The following DNAL1 variants were observed in gnomAD, a reference collection of about 807,000 sequenced individuals.
DNAL1 encodes the protein dynein axonemal light chain 1, also known as chromosome 14 open reading frame 168.
DNAL1 carries 17 observed loss-of-function variants against 29.4 expected under a neutral mutation model. That is an observed-to-expected ratio of 0.58 (90% CI 0.40 to 0.87). The LOEUF is 0.87. DNAL1 is among the 40% of genes least tolerant of loss of function. DNAL1 has a pLI of 0.00. For missense variants in DNAL1, 188 were observed against 214.1 expected, an observed-to-expected ratio of 0.88 and a Z score of 0.76; for synonymous variants, 78 against 76.3, an observed-to-expected ratio of 1.02 and a Z score of -0.12.
intron 5 of DNAL1, among the ~76,000 whole-genome samples, chr14:73,686,512 T>G (rs922918274): frequency 6.6e-6 from 1 of 152,144 alleles, no homozygotes; most frequent in Non-Finnish European, 1.5e-5. Context: ...AAGACCAGCC[T>G]GGACAACATC....
intron 5 of DNAL1, among the ~76,000 whole-genome samples, chr14:73,682,491 C>G (rs1262292446): frequency 6.6e-6 from 1 of 151,588 alleles, no homozygotes; most frequent in Non-Finnish European, 1.5e-5. Flanking sequence ...GCCCGGCCAA[C>G]TTTTTTAATG....
Position 73,702,282 on chromosome 14 carries a change from G to C in DNAL1, c.*6340G>C, listed in dbSNP as rs1268249693. The C allele has an allele frequency of 6.6e-6, 1 of 152,124 alleles. No homozygotes were observed. Among genetic ancestry groups the C allele is most frequent in the East Asian group, 1.9e-4 (1 of 5,194 alleles). The allele number at this position is 152,124 out of a possible 1,614,324, so 9.4% of individuals were successfully genotyped here. ...CAGCCTCCCGAGTACTGGGACTACA[G>C]GCGCACACCACCATGCTTGGCTAAT... On this transcript the variant is annotated 3_prime_UTR_variant, in exon 8 of 8. Transcript: ENST00000553645.
chr14:73,645,173 G>A, intron 1 of DNAL1, 131 bp downstream of exon 1: 1 of 1,495,762 alleles, frequency 6.7e-7, no homozygotes, highest in Non-Finnish European at 9.1e-7. Context: ...CTAGCTCTGT[G>A]GAGTCAGGGG....
intron 7 of DNAL1, among the ~76,000 whole-genome samples, chr14:73,692,993 G>A (rs891504889): frequency 1.3e-5 from 2 of 152,002 alleles, no homozygotes; most frequent in Non-Finnish European, 2.9e-5. Context: ...CCGCCACCAC[G>A]CCTGGCTAAT....
chr14:73,669,984 T>TAAACACACACAC (rs369615623), intron 4 of DNAL1, among the ~76,000 whole-genome samples: 3 of 150,844 alleles, frequency 2.0e-5, no homozygotes, highest in African/African-American at 7.3e-5. Context: ...CACACACACA[T>TAAACACACACAC]ACACACACAC....
Position 73,677,039 on chromosome 14 carries a change from C to A in DNAL1, c.264+5442C>A, listed in dbSNP as rs918329665. On this transcript the variant is annotated intron_variant, in intron 5 of 7. Transcript: ENST00000553645. ...AGGCTAGAGTGCAGTGGCGTGATCT[C>A]GGCTCACTACAAGCTCCACCTCCTG... is the stretch of plus-strand genomic sequence containing the variant. 2.7e-5 allele frequency among the ~76,000 whole-genome samples: 4 copies of A among 148,382 alleles called. No homozygotes were observed. In the South Asian group the frequency reaches 6.4e-4, roughly 24 times the overall value.
intron 6 of DNAL1, among the ~76,000 whole-genome samples, chr14:73,688,492 A>G (rs1892077916): frequency 6.6e-6 from 1 of 152,016 alleles, no homozygotes; most frequent in South Asian, 2.1e-4. Flanking sequence ...GTGTGGTGGT[A>G]CATGCCTGTA....
intron 3 of DNAL1, among the ~76,000 whole-genome samples, chr14:73,661,315 T>G (rs1891351436): frequency 6.6e-6 from 1 of 152,202 alleles, no homozygotes; most frequent in South Asian, 2.1e-4. Flanking sequence ...TGTTTATAGA[T>G]TTTTTCAATT....
At chr14:73,647,657 ATTAG>A (rs1476448391) in intron 1 of DNAL1, among the ~76,000 whole-genome samples, 1 of 152,166 alleles carries the variant, frequency 6.6e-6, no homozygotes, top group East Asian at 1.9e-4. Context: ...AGTTTTACTT[ATTAG>A]TTAAGTCCAT....
rs748496499 is a variant in DNAL1 at position 73,658,843 on chromosome 14, A to G, written c.43-4A>G. On this transcript the variant is annotated splice_region_variant and splice_polypyrimidine_tract_variant and intron_variant, in intron 2 of 7. Coordinates refer to ENST00000553645, the MANE Select transcript of DNAL1 (RefSeq NM_031427.4). ...TATTTCTTCCAAATGTATTTTTCTC[A>G]TAGGAAGAGAAAACTGGCCAGAGGC... The G allele has an allele frequency of 8.8e-6, 14 of 1,598,172 alleles. No individual in the cohort carries two copies. In the South Asian group the frequency reaches 1.2e-4, roughly 14 times the overall value.
At position 73,699,004 on chromosome 14, in the gene DNAL1, G is replaced by A. The variant is rs573117529; in HGVS notation, c.*3062G>A. The A allele has an allele frequency of 2.1e-4, 32 of 152,202 alleles. No homozygotes were observed. The highest frequency in any genetic ancestry group is 7.2e-4 in the African/African-American group (30 of 41,514). 9.4% of individuals were successfully genotyped at this position (152,202 alleles called of 1,614,324 possible). A position where few individuals can be genotyped will look rare whatever the true frequency, so the allele number is the denominator to read the frequency against. On this transcript the variant is annotated 3_prime_UTR_variant, in exon 8 of 8. Transcript: ENST00000553645. ...GGGATTGATAATTCATTGTTGTTGG[G>A]GGCTGTCCTGTGTGCTTAGGATGTT...
At chr14:73,692,450 G>T (rs1310146586) in intron 7 of DNAL1, among the ~76,000 whole-genome samples, 1 of 151,650 alleles carries the variant, frequency 6.6e-6, no homozygotes, top group Non-Finnish European at 1.5e-5. Context: ...CCACTGCACA[G>T]GCAGTTCGAG....
At chr14:73,692,052 C>G (rs1476341750) in intron 7 of DNAL1, among the ~76,000 whole-genome samples, 2 of 147,088 alleles carry the variant, frequency 1.4e-5, no homozygotes, top group East Asian at 2.0e-4. Context: ...GGCTAGAGTG[C>G]AGTGGCACCA....
chr14:73,693,032 TATC>T (rs1219851526), intron 7 of DNAL1, among the ~76,000 whole-genome samples: 1 of 151,994 alleles, frequency 6.6e-6, no homozygotes, highest in Admixed American at 6.6e-5. Context: ...GATGGGGTCT[TATC>T]ATCTTGGCAA....
At chr14:73,683,810 C>G (rs543346571) in intron 5 of DNAL1, among the ~76,000 whole-genome samples, 1 of 151,986 alleles carries the variant, frequency 6.6e-6, no homozygotes, top group Non-Finnish European at 1.5e-5. Context: ...CAGGTTCAAG[C>G]GATTCTCTTG....
chr14:73,649,829 A>T (rs1891073027), intron 1 of DNAL1, among the ~76,000 whole-genome samples: 1 of 152,158 alleles, frequency 6.6e-6, no homozygotes, highest in African/African-American at 2.4e-5. Flanking sequence ...AGGATACTGA[A>T]ATCTATGGAC....
intron 1 of DNAL1, among the ~76,000 whole-genome samples, chr14:73,645,786 C>G (rs936574782): frequency 2.6e-5 from 4 of 152,154 alleles, no homozygotes; most frequent in Admixed American, 2.6e-4. Context: ...ATGGTTTTAC[C>G]TAGAGATGCT....
rs1892341895 is a variant in DNAL1 at position 73,697,951 on chromosome 14, G to A, written c.*2009G>A. On this transcript the variant is annotated 3_prime_UTR_variant, in exon 8 of 8. Transcript: ENST00000553645. Reference sequence around the variant, plus strand: ...GTTTTAAGTTCCATAAACTGAGAGGGAAGATGATCTTCTTAAAGTTTGCAC... The same window carrying A: ...GTTTTAAGTTCCATAAACTGAGAGGAAAGATGATCTTCTTAAAGTTTGCAC... The A allele has an allele frequency of 6.6e-6, 1 of 152,142 alleles. No homozygotes were observed. The highest frequency in any genetic ancestry group is 1.5e-5 in the Non-Finnish European group (1 of 68,032). The allele number at this position is 152,142 out of a possible 1,614,324, so 9.4% of individuals were successfully genotyped here. A position where few individuals can be genotyped will look rare whatever the true frequency, so the allele number is the denominator to read the frequency against.
Position 73,647,290 on chromosome 14 carries a change from G to A in DNAL1, c.3+2248G>A, listed in dbSNP as rs576151943. On this transcript the variant is annotated intron_variant, in intron 1 of 7. Coordinates refer to ENST00000553645, the MANE Select transcript of DNAL1 (RefSeq NM_031427.4). ...TGAGGCAGGAGAATGGCGTGAACCC[G>A]GGAGGCGGAGCTTGCAGTGAGCTGA... Among the ~76,000 whole-genome samples, 186 of 151,136 alleles carry A rather than the reference G, an allele frequency of 1.2e-3. 1 individual carries two copies. The highest frequency in any genetic ancestry group is 4.0e-3 in the African/African-American group (164 of 41,194).
Sources: gnomAD v4.1 joint callset for allele counts (sites outside exome capture counted in the v4.1 genomes callset) on GRCh38, gnomAD v4.1.1 for gene constraint, MANE v1.5 for transcripts, NCBI Gene and HGNC (gene_info 2026-07-23, HGNC 2026-07-21) for gene names.